The following ANKS1B variants were observed in gnomAD, a reference collection of about 807,000 sequenced individuals.
The protein encoded by ANKS1B is ankyrin repeat and sterile alpha motif domain-containing protein 1B.
ANKS1B carries 36 observed loss-of-function variants against 148.3 expected under a neutral mutation model. The ratio of observed to expected loss-of-function variants is 0.24; its 90% CI spans 0.19 to 0.32. ANKS1B has a LOEUF of 0.32. Ranked by LOEUF, ANKS1B falls within the 10% of genes least tolerant of loss-of-function variation. The probability of loss-of-function intolerance (pLI) is 1.00; values close to 1 mark genes in which losing one functional copy is unlikely to be tolerated. For missense variants in ANKS1B, 1,157 were observed against 1,542.6 expected (o/e 0.75, Z 4.19); for synonymous variants, 542 against 560.8 (o/e 0.97, Z 0.47).
Position 98,829,248 on chromosome 12 carries a change from C to A in ANKS1B, c.2992G>T (p.Asp998Tyr). Residue 998 changes from aspartate to tyrosine, a missense_variant, in exon 19 of 27, where the codon GAT becomes TAT. By Grantham distance (160) the Asp-to-Tyr change is radical. Transcript: ENST00000683438. The surrounding 1 kb of genome is among the most constrained non-coding windows in gnomAD (Gnocchi z 5.2). ...LDVPHIIMQG[D>Y]ARRRRNENYF... ...TTTTCATTTCTTCTCCTCCTTGCATCGCCCTGCATGATAATGTGAGGAACG... is the reference window on the plus strand; with the variant it reads ...TTTTCATTTCTTCTCCTCCTTGCATAGCCCTGCATGATAATGTGAGGAACG... 1 of 1,614,006 alleles carries A rather than the reference C, an allele frequency of 6.2e-7. No homozygotes were observed. Among genetic ancestry groups the A allele is most frequent in the Non-Finnish European group, 8.5e-7 (1 of 1,179,890 alleles).
rs183774628 is a variant in ANKS1B at position 99,718,073 on chromosome 12, T to G, written c.1128+54849A>C. ...CGCCCGCTACCACGCCCGGCTAATTTTTTGTATTTTTAGTAGAGACGGGGT... is the reference window on the plus strand; with the variant it reads ...CGCCCGCTACCACGCCCGGCTAATTGTTTGTATTTTTAGTAGAGACGGGGT... On this transcript the variant is annotated intron_variant, in intron 8 of 26. Transcript: ENST00000683438. Among the ~76,000 whole-genome samples, 485 of 151,706 alleles carry G rather than the reference T, an allele frequency of 3.2e-3. 9 individuals are homozygous for G. In the East Asian group the frequency reaches 0.057, roughly 18 times the overall value.
chr12:98,834,657 C>T (rs892807293), intron 17 of ANKS1B, among the ~76,000 whole-genome samples: 5 of 152,130 alleles, frequency 3.3e-5, no homozygotes, highest in Non-Finnish European at 7.4e-5. Flanking sequence ...ATTTCACTAC[C>T]TGGAAGAGCT....
Position 99,820,815 on chromosome 12 carries a change from G to T in ANKS1B, c.215+4494C>A, listed in dbSNP as rs368868456. On this transcript the variant is annotated intron_variant, in intron 2 of 26. Transcript: ENST00000683438. Reference sequence around the variant, plus strand: ...GAGCCAGGGAGAGTTTAACAACAAAGGGGAGATAATGCAGAGTACTGGTAA... The same window carrying T: ...GAGCCAGGGAGAGTTTAACAACAAATGGGAGATAATGCAGAGTACTGGTAA... Among the ~76,000 whole-genome samples the T allele has an allele frequency of 7.9e-5, 12 of 152,030 alleles. No individual in the cohort carries two copies. The South Asian group carries it at 2.3e-3, about 29-fold the overall frequency.
At position 99,594,192 on chromosome 12, in the gene ANKS1B, T is replaced by C. The variant is rs1167481420; in HGVS notation, c.1272+60875A>G. Among the ~76,000 whole-genome samples, 3 of 152,102 alleles carry C rather than the reference T, an allele frequency of 2.0e-5. No homozygotes were observed. The East Asian group carries it at 5.8e-4, about 29-fold the overall frequency. On this transcript the variant is annotated intron_variant, in intron 9 of 26. Transcript: ENST00000683438. ...TGTCAAGTGCTGGAGTTAGCTGTTA[T>C]TACTACAGATAAAACTGAAGTGGTC... is the stretch of plus-strand genomic sequence containing the variant.
At chr12:99,129,560 A>C (rs964514075) in intron 15 of ANKS1B, among the ~76,000 whole-genome samples, 10 of 152,222 alleles carry the variant, frequency 6.6e-5, no homozygotes, top group Non-Finnish European at 1.5e-4. Context: ...GCCAAGGCTC[A>C]GTCTTGAGGT....
intron 12 of ANKS1B, among the ~76,000 whole-genome samples, chr12:99,247,601 T>A (rs1218419633): frequency 6.6e-6 from 1 of 152,206 alleles, no homozygotes; most frequent in Non-Finnish European, 1.5e-5. Flanking sequence ...TCTTTGAAGA[T>A]GTAATGCAGA....
At position 99,838,166 on chromosome 12, in the gene ANKS1B, C is replaced by G. The variant is rs115839696; in HGVS notation, c.135-12777G>C. On this transcript the variant is annotated intron_variant, in intron 1 of 26. Coordinates refer to ENST00000683438, the MANE Select transcript of ANKS1B (RefSeq NM_001352186.2). Reference sequence around the variant, plus strand: ...ATGTGCATATCACATTTTCTTCATCCAATCATCTGTTGATGGACACTTAGA... The same window carrying G: ...ATGTGCATATCACATTTTCTTCATCGAATCATCTGTTGATGGACACTTAGA... 7.9e-3 allele frequency among the ~76,000 whole-genome samples: 1,199 copies of G among 152,242 alleles called. 16 individuals carry two copies. The highest frequency in any genetic ancestry group is 0.027 in the African/African-American group (1,133 of 41,556).
At chr12:99,116,835 T>C (rs1464952547) in intron 15 of ANKS1B, among the ~76,000 whole-genome samples, 2 of 152,216 alleles carry the variant, frequency 1.3e-5, no homozygotes, top group Admixed American at 1.3e-4. Context: ...TCCATGAACA[T>C]GGAATGCTTT....
intron 10 of ANKS1B, among the ~76,000 whole-genome samples, chr12:99,487,382 A>G (rs2096504271): frequency 6.6e-6 from 1 of 152,234 alleles, no homozygotes; most frequent in Admixed American, 6.5e-5. Context: ...TTGGCAAATT[A>G]CAATTACCAT....
intron 11 of ANKS1B, among the ~76,000 whole-genome samples, chr12:99,434,483 T>C (rs983095029): frequency 1.3e-5 from 2 of 152,264 alleles, no homozygotes; most frequent in Non-Finnish European, 2.9e-5. Context: ...CTAATAGGCA[T>C]TAAGGTTTCC....
At chr12:99,921,896 C>A (rs1205046667) in intron 1 of ANKS1B, among the ~76,000 whole-genome samples, 1 of 151,862 alleles carries the variant, frequency 6.6e-6, no homozygotes, top group African/African-American at 2.4e-5. Flanking sequence ...AGTTTTTAAT[C>A]TCTTAGACAA....
intron 16 of ANKS1B, among the ~76,000 whole-genome samples, chr12:99,069,988 G>A (rs1367377270): frequency 6.6e-6 from 1 of 152,160 alleles, no homozygotes; most frequent in African/African-American, 2.4e-5. Context: ...ACTTCTTTGA[G>A]CTTTAATTTC....
chr12:99,130,858 A>G (rs979805590), intron 15 of ANKS1B, among the ~76,000 whole-genome samples: 8 of 152,072 alleles, frequency 5.3e-5, no homozygotes, highest in East Asian at 3.9e-4. Context: ...CCCTTGGTAC[A>G]TGCTATTTCC....
At chr12:99,671,837 G>A (rs1404883353) in intron 8 of ANKS1B, among the ~76,000 whole-genome samples, 1 of 152,028 alleles carries the variant, frequency 6.6e-6, no homozygotes, top group Non-Finnish European at 1.5e-5. Context: ...TCTTTTGTAT[G>A]CTCAATAGCA....
chr12:99,000,726 C>T (rs1447090227), intron 17 of ANKS1B, among the ~76,000 whole-genome samples: 2 of 152,136 alleles, frequency 1.3e-5, no homozygotes, highest in Non-Finnish European at 2.9e-5. Flanking sequence ...ATAACTGAAA[C>T]TTCACCCCTG....
chr12:99,372,241 T>C (rs1227634753), intron 12 of ANKS1B, among the ~76,000 whole-genome samples: 1 of 151,916 alleles, frequency 6.6e-6, no homozygotes, highest in Admixed American at 6.6e-5. Context: ...TAGGGAAATA[T>C]GGGAAATCTC....
chr12:99,918,043 G>C (rs952212553), intron 1 of ANKS1B, among the ~76,000 whole-genome samples: 5 of 152,192 alleles, frequency 3.3e-5, no homozygotes, highest in African/African-American at 1.2e-4. Context: ...GCCTAAGGCA[G>C]AACAATTTCA....
At chr12:99,213,642 T>C (rs2153922526) in intron 14 of ANKS1B, among the ~76,000 whole-genome samples, 1 of 152,336 alleles carries the variant, frequency 6.6e-6, no homozygotes, top group South Asian at 2.1e-4. Flanking sequence ...TATTTGCAAG[T>C]GCCAAGGCCT....
At chr12:99,100,844 T>A (rs1424438320) in intron 15 of ANKS1B, among the ~76,000 whole-genome samples, 2 of 152,206 alleles carry the variant, frequency 1.3e-5, no homozygotes, top group African/African-American at 4.8e-5. Context: ...AGACTATTTT[T>A]TTGATGCAGC....
Sources: gnomAD v4.1 joint callset for allele counts (sites outside exome capture counted in the v4.1 genomes callset) on GRCh38, gnomAD v4.1.1 for gene constraint, Gnocchi (gnomAD v3.1) non-coding constraint, MANE v1.5 for transcripts, NCBI Gene and HGNC (gene_info 2026-07-23, HGNC 2026-07-21) for gene names.